CYP20A1: variants seen among roughly 807,000 people sequenced by gnomAD.
The protein encoded by CYP20A1 is cytochrome P450 family 20 subfamily A member 1.
CYP20A1 carries 61 observed loss-of-function variants against 61.4 expected under a neutral mutation model. The observed-to-expected ratio is 0.99, with a 90% confidence interval of 0.81 to 1.23. CYP20A1 has a LOEUF of 1.23. CYP20A1 is among the 50% of genes most tolerant of loss of function. CYP20A1 has a pLI of 0.00. For missense variants in CYP20A1, 530 were observed against 542.4 expected (o/e 0.98, Z 0.23); for synonymous variants, 193 against 188.2 (o/e 1.03, Z -0.21).
chr2:203,253,457 G>T lies in CYP20A1; in HGVS notation c.432+1348G>T, dbSNP rs573105317. On this transcript the variant is annotated intron_variant, in intron 4 of 12. Transcript: ENST00000356079. ...TTTCATGGTCACCAAAAATGTTGTG[G>T]GGAACTGAGGACCAGAGAGACTGAT... Among the ~76,000 whole-genome samples, 4 of 152,304 alleles carry T rather than the reference G, an allele frequency of 2.6e-5. No individual in the cohort carries two copies. In the East Asian group the frequency reaches 7.7e-4, roughly 29 times the overall value.
At chr2:203,247,299 G>A (rs1559084632) in intron 3 of CYP20A1, among the ~76,000 whole-genome samples, 1 of 151,916 alleles carries the variant, frequency 6.6e-6, no homozygotes, top group Non-Finnish European at 1.5e-5. Flanking sequence ...AATAAAAACT[G>A]TATATATATA....
chr2:203,293,176 C>T (rs1372512021), intron 11 of CYP20A1, among the ~76,000 whole-genome samples: 5 of 149,238 alleles, frequency 3.4e-5, no homozygotes, highest in African/African-American at 9.8e-5. Context: ...CACAAGACTC[C>T]GTCTCAAAAA....
At chr2:203,251,817 A>ATATATATGTGTGTATATATATATAT (rs34111991) in intron 3 of CYP20A1, 150 bp from the exon 4 acceptor site, 2 of 95,290 alleles carry the variant, frequency 2.1e-5, no homozygotes, top group Non-Finnish European at 2.2e-5. Flanking sequence ...ATATATATAT[A>ATATATATGTGTGTATATATATATAT]AAAAATAAAA....
chr2:203,270,310 G>T (rs1347515371), intron 5 of CYP20A1, among the ~76,000 whole-genome samples: 1 of 151,044 alleles, frequency 6.6e-6, no homozygotes, highest in Admixed American at 6.6e-5. Flanking sequence ...AAACACTTGG[G>T]TTTTTTTTTA....
chr2:203,274,946 G>C (rs754037550), intron 6 of CYP20A1, among the ~76,000 whole-genome samples: 1 of 152,176 alleles, frequency 6.6e-6, no homozygotes, highest in Non-Finnish European at 1.5e-5. Flanking sequence ...TCCTTGGGCT[G>C]TAACATGGGC....
intron 8 of CYP20A1, among the ~76,000 whole-genome samples, chr2:203,285,133 A>G (rs2068212957): frequency 6.6e-6 from 1 of 152,190 alleles, no homozygotes; most frequent in Admixed American, 6.6e-5. Context: ...TGTATTTACC[A>G]TCACAAGTAA....
chr2:203,241,372 C>A (rs1440372915), intron 1 of CYP20A1, among the ~76,000 whole-genome samples: 1 of 152,126 alleles, frequency 6.6e-6, no homozygotes, highest in Non-Finnish European at 1.5e-5. Context: ...GCTGAAGATA[C>A]ACATTTGGGA....
intron 7 of CYP20A1, among the ~76,000 whole-genome samples, chr2:203,278,945 T>G (rs966984739): frequency 6.6e-6 from 1 of 152,090 alleles, no homozygotes; most frequent in Non-Finnish European, 1.5e-5. Flanking sequence ...AGAAGCATCA[T>G]ACATGTTTTT....
chr2:203,262,589 C>T (rs1397963186), intron 4 of CYP20A1, among the ~76,000 whole-genome samples: 1 of 150,190 alleles, frequency 6.7e-6, no homozygotes, highest in Admixed American at 6.7e-5. Flanking sequence ...TTGCTTAGAT[C>T]GTTAATAAAC....
rs765723916 is a variant in CYP20A1 at position 203,285,726 on chromosome 2, A to G, written c.965A>G (p.Gln322Arg). 130 of 1,584,382 alleles carry G rather than the reference A, an allele frequency of 8.2e-5. No homozygotes were observed. Among genetic ancestry groups the G allele is most frequent in the Non-Finnish European group, 1.0e-4 (120 of 1,173,082 alleles). ...NGPVTPEKIE[Q>R]LRYCQHVLCE... is the part of the protein sequence containing the mutation. ...CCTGTTACTCCAGAGAAAATTGAGC[A>G]GCTCAGGTAAGAACACAATAAAAAG... is the stretch of plus-strand genomic sequence containing the variant. Residue 322 changes from glutamine to arginine, a missense_variant, in exon 9 of 13, where the codon CAG (glutamine) becomes CGG (arginine). By Grantham distance (43) the Gln-to-Arg change is conservative. Coordinates refer to ENST00000356079, the MANE Select transcript of CYP20A1 (RefSeq NM_177538.3).
intron 3 of CYP20A1, among the ~76,000 whole-genome samples, chr2:203,250,922 G>T (rs2066642489): frequency 6.6e-6 from 1 of 151,768 alleles, no homozygotes; most frequent in South Asian, 2.1e-4. Flanking sequence ...AAATTAGCCG[G>T]GCATGCTGGC....
At position 203,303,522 on chromosome 2, in the gene CYP20A1, T is replaced by C. The variant is rs575829165; in HGVS notation, c.*6614T>C. On this transcript the variant is annotated 3_prime_UTR_variant, in exon 13 of 13. Transcript: ENST00000356079. The stretch of plus-strand genomic sequence containing the variant: ...ATCAGCCTGGCCAACGTGGTGAAAC[T>C]CCATCTCTACTAAAAATACCAAAAG... Among the ~76,000 whole-genome samples, 527 of 150,586 alleles carry C rather than the reference T, an allele frequency of 3.5e-3. 4 individuals are homozygous for C. Among genetic ancestry groups the C allele is most frequent in the African/African-American group, 0.012 (511 of 41,066 alleles).
intron 6 of CYP20A1, 28 bp from the exon 7 acceptor site, chr2:203,278,545 C>A: frequency 8.6e-7 from 1 of 1,164,466 alleles, no homozygotes; most frequent in Non-Finnish European, 1.2e-6. Flanking sequence ...TGCTTGTATT[C>A]TAAAATTATT....
Position 203,289,771 on chromosome 2 carries a change from T to C in CYP20A1, c.978T>C (p.Cys326=). 2.6e-6 allele frequency: 4 copies of C among 1,551,210 alleles called. No homozygotes were observed. Among genetic ancestry groups the C allele is most frequent in the Non-Finnish European group, 2.6e-6 (3 of 1,148,942 alleles). Residue 326 remains cysteine (C), a synonymous_variant, in exon 10 of 13, where the codon TGT becomes TGC. Transcript: ENST00000356079. The part of the protein sequence containing the change: ...TPEKIEQLRY[C]QHVLCETVRT... The stretch of plus-strand genomic sequence containing the variant: ...AAAAATTTTTTTAAAACAGATATTG[T>C]CAGCATGTGCTTTGTGAAACTGTTC...
rs748438150 is a variant in CYP20A1, at chr2:203,284,737, C to CTTTT, written c.851-852_851-849dup. Among the ~76,000 whole-genome samples the CTTTT allele has an allele frequency of 5.5e-4, 55 of 99,110 alleles. 3 individuals carry two copies. Among genetic ancestry groups the CTTTT allele is most frequent in the African/African-American group, 1.9e-3 (43 of 22,516 alleles). 65.0% of individuals were successfully genotyped at this position (99,110 alleles called of 152,430 possible). A position where few individuals can be genotyped will look rare whatever the true frequency, so the allele number is the denominator to read the frequency against. ...CCCAGGTGGTTTTTGAGAACCACTG[C>CTTTT]TTTTTTTTTTTTTTTTTTTTTTTTT... On this transcript the variant is annotated intron_variant, in intron 8 of 12. Transcript: ENST00000356079.
chr2:203,280,157 A>G (rs1228663193), intron 8 of CYP20A1, 44 bp downstream of exon 8: 5 of 1,495,214 alleles, frequency 3.3e-6, no homozygotes, highest in African/African-American at 2.8e-5. Context: ...TACTAAATAT[A>G]TAGGCTGAGC....
intron 10 of CYP20A1, among the ~76,000 whole-genome samples, chr2:203,290,632 C>T (rs1292422124): frequency 2.0e-5 from 3 of 151,772 alleles, no homozygotes; most frequent in Non-Finnish European, 4.4e-5. Context: ...TGTGAATGTA[C>T]CATGATTTAT....
intron 4 of CYP20A1, among the ~76,000 whole-genome samples, chr2:203,258,263 G>C (rs542603446): frequency 3.9e-5 from 6 of 152,222 alleles, no homozygotes; most frequent in Non-Finnish European, 7.3e-5. Flanking sequence ...GCACATGCCT[G>C]TATTCCCAAC....
intron 4 of CYP20A1, 91 bp from the exon 5 acceptor site, chr2:203,266,423 C>A: frequency 8.8e-7 from 1 of 1,141,120 alleles, no homozygotes; most frequent in South Asian, 1.4e-5. Flanking sequence ...CAGAGTTTAA[C>A]TGTTTGCCAT....
Sources: gnomAD v4.1 joint callset for allele counts (sites outside exome capture counted in the v4.1 genomes callset) on GRCh38, gnomAD v4.1.1 for gene constraint, MANE v1.5 for transcripts, NCBI Gene and HGNC (gene_info 2026-07-23, HGNC 2026-07-21) for gene names.